The following TPD52L3 variants were observed in gnomAD, a reference collection of about 807,000 sequenced individuals.
TPD52L3 encodes the protein tumor protein D55.
TPD52L3 carries 12 observed loss-of-function variants against 8.7 expected under a neutral mutation model. That is an observed-to-expected ratio of 1.38 (90% confidence interval 0.89 to 2.24). The LOEUF (loss-of-function observed/expected upper bound fraction) is 2.24. Ranked by LOEUF, TPD52L3 falls within the 30% of genes most tolerant of loss-of-function variation. The pLI, the probability that TPD52L3 is intolerant of heterozygous loss-of-function variation, is 0.00. For synonymous variants in TPD52L3, 79 were observed against 66.8 expected (o/e 1.18, Z -0.89); for missense variants, 207 against 158.7 (o/e 1.30, Z -1.64).
intron 1 of TPD52L3, chr9:6,330,096 G>T (rs377530029): frequency 6.9e-6 from 11 of 1,591,376 alleles, no homozygotes; most frequent in Non-Finnish European, 9.4e-6. Context: ...AAGAACGTCT[G>T]TCCCCTGTGA....
intron 1 of TPD52L3, chr9:6,329,774 T>C: frequency 9.8e-7 from 1 of 1,019,712 alleles, no homozygotes. Flanking sequence ...AAAACTCGTT[T>C]GTTTTCAAAG....
chr9:6,330,781 C>G, intron 1 of TPD52L3, 195 bp from the exon 2 acceptor site: 1 of 1,357,376 alleles, frequency 7.4e-7, no homozygotes, highest in East Asian at 2.8e-5. Flanking sequence ...CAGGCAAAGG[C>G]TTTGACATAT....
chr9:6,329,598 ATTTC>A, intron 1 of TPD52L3: 1 of 1,001,484 alleles, frequency 1.0e-6, no homozygotes. Flanking sequence ...TCCCTTCCCC[ATTTC>A]CTTCCTTCCC....
intron 1 of TPD52L3, chr9:6,330,518 A>G (rs1187412494): frequency 1.6e-6 from 2 of 1,230,364 alleles, no homozygotes; most frequent in East Asian, 3.6e-5. Context: ...CTCCCCCAAC[A>G]TTCCTTTGGT....
chr9:6,330,767 C>T, intron 1 of TPD52L3: 1 of 1,318,402 alleles, frequency 7.6e-7, no homozygotes, highest in Non-Finnish European at 9.7e-7. Flanking sequence ...TGAAAGTAGT[C>T]CAACAGGCAA....
intron 1 of TPD52L3, 192 bp downstream of exon 1, chr9:6,329,154 G>A: frequency 6.8e-7 from 1 of 1,469,074 alleles, no homozygotes; most frequent in Non-Finnish European, 9.0e-7. Flanking sequence ...TCCACTTTCT[G>A]GAACCAGAAT....
chr9:6,331,035 A>G lies in TPD52L3; in HGVS notation c.*16A>G, dbSNP rs1158597482. The G allele has an allele frequency of 3.1e-6, 5 of 1,607,980 alleles. No homozygotes were observed. The highest frequency in any genetic ancestry group is 1.7e-5 in the Admixed American group (1 of 59,520). ...AAGGAATTAACATCATATACTTCAG[A>G]CATCAAATATGGAATCCAAGAGACT... On this transcript the variant is annotated 3_prime_UTR_variant, in exon 2 of 2. Transcript: ENST00000314556.
chr9:6,328,993 CAG>C, intron 1 of TPD52L3, 31 bp downstream of exon 1: 4 of 1,614,112 alleles, frequency 2.5e-6, no homozygotes, highest in Non-Finnish European at 3.4e-6. Flanking sequence ...TCCAAAGTCT[CAG>C]GGGGCAAAAG....
chr9:6,328,746 G>A lies in TPD52L3; in HGVS notation c.151G>A (p.Ala51Thr), dbSNP rs757914875. 1.9e-6 allele frequency: 3 copies of A among 1,614,156 alleles called. No individual in the cohort carries two copies. The South Asian group carries it at 3.3e-5, about 18-fold the overall frequency. ...AEIVTLRHVL[A>T]AKERRCGELK... ...AATTGTAACCCTACGCCACGTACTA[G>A]CAGCCAAAGAGAGACGCTGTGGGGA... Residue 51 changes from alanine (A) to threonine (T), a missense_variant, in exon 1 of 2, where the codon GCA becomes ACA. Physicochemically the swap from Ala to Thr is moderately conservative, Grantham distance 58 (BLOSUM62 0). Coordinates refer to ENST00000314556, the MANE Select transcript of TPD52L3 (RefSeq NM_001001874.3).
At position 6,329,071 on chromosome 9, in the gene TPD52L3, G is replaced by A. The variant is rs1470901114; in HGVS notation, c.367+109G>A. The stretch of plus-strand genomic sequence containing the variant: ...TGATCTGCTCTCAGTTTTGGGGTGT[G>A]GGGAAGACCCACTCCAGATTCCGGG... On this transcript the variant is annotated intron_variant, in intron 1 of 1. Coordinates refer to ENST00000314556, the MANE Select transcript of TPD52L3 (RefSeq NM_001001874.3). The A allele has an allele frequency of 5.7e-6, 9 of 1,575,400 alleles. No individual in the cohort carries two copies. The Admixed American group carries it at 8.8e-5, about 15-fold the overall frequency.
rs1393495956 is a variant in TPD52L3 at position 6,328,979 on chromosome 9, C to G, written c.367+17C>G. ...CTTTTGAAGGTCTGATGGGGACAAT[C>G]AAGTCCAAAGTCTCAGGGGGCAAAA... is the stretch of plus-strand genomic sequence containing the variant. On this transcript the variant is annotated intron_variant, in intron 1 of 1. Transcript: ENST00000314556. 6.2e-6 allele frequency: 10 copies of G among 1,614,046 alleles called. No individual in the cohort carries two copies. Among genetic ancestry groups the G allele is most frequent in the Non-Finnish European group, 8.5e-6 (10 of 1,180,036 alleles).
At chr9:6,330,096 G>C in intron 1 of TPD52L3, 2 of 1,591,494 alleles carry the variant, frequency 1.3e-6, no homozygotes, top group Non-Finnish European at 1.7e-6. Flanking sequence ...AAGAACGTCT[G>C]TCCCCTGTGA....
chr9:6,329,003 A>C (rs1231054326), intron 1 of TPD52L3, 41 bp downstream of exon 1: 1 of 1,613,882 alleles, frequency 6.2e-7, no homozygotes, highest in African/African-American at 1.3e-5. Context: ...CAGGGGGCAA[A>C]AGAGCTTGGC....
rs1182451787 is a variant in TPD52L3 at position 6,328,864 on chromosome 9, T to A, written c.269T>A (p.Val90Glu). ...GATGTTCAGGTCTCCAACACCTATG[T>A]GAAACAGAAGACATCAGCTGCTCTG... ...WLDVQVSNTY[V>E]KQKTSAALST... The change falls in exon 1 of 2, where the codon GTG becomes GAG. Residue 90 changes from valine to glutamate, a missense_variant. Transcript: ENST00000314556. 6.2e-7 allele frequency: 1 copy of A among 1,614,034 alleles called. No individual in the cohort carries two copies. The highest frequency in any genetic ancestry group is 1.3e-5 in the African/African-American group (1 of 74,902).
Position 6,330,998 on chromosome 9 carries a change from G to A in TPD52L3, c.390G>A (p.Thr130=), listed in dbSNP as rs192550349. The change falls in exon 2 of 2, where the codon ACG becomes ACA. Residue 130 remains threonine, a synonymous_variant. Coordinates refer to ENST00000314556, the MANE Select transcript of TPD52L3 (RefSeq NM_001001874.3). ...SFEGLIFNKY[T]LNQGRN is the part of the protein sequence containing the mutation. ...TAGGATTGATCTTCAATAAATACAC[G>A]TTAAATCAAGGAAGGAATTAACATC... 4.7e-5 allele frequency: 76 copies of A among 1,612,268 alleles called. No individual in the cohort carries two copies. Among genetic ancestry groups the A allele is most frequent in the Middle Eastern group, 3.3e-4 (2 of 6,054 alleles).
At chr9:6,330,481 T>TG in intron 1 of TPD52L3, 2 of 1,283,266 alleles carry the variant, frequency 1.6e-6, no homozygotes, top group South Asian at 5.7e-5. Context: ...CCTAAGAGGA[T>TG]GATTCTGTTT....
chr9:6,328,607 C>T lies in TPD52L3; in HGVS notation c.12C>T (p.Ala4=). 6.2e-7 allele frequency: 1 copy of T among 1,613,594 alleles called. No homozygotes were observed. The highest frequency in any genetic ancestry group is 8.5e-7 in the Non-Finnish European group (1 of 1,180,014). MPH[A]RTETSVGTYE... ...TTCTTTCCCAGTCCATGCCACATGCCAGGACAGAGACCTCTGTGGGCACAT... is the reference window on the plus strand; with the variant it reads ...TTCTTTCCCAGTCCATGCCACATGCTAGGACAGAGACCTCTGTGGGCACAT... Residue 4 remains alanine (A), a synonymous_variant, in exon 1 of 2, where the codon GCC becomes GCT. Transcript: ENST00000314556.
At chr9:6,329,540 A>G in intron 1 of TPD52L3, 2 of 1,006,574 alleles carry the variant, frequency 2.0e-6, no homozygotes, top group Non-Finnish European at 2.4e-6. Context: ...TAAGCTTGAA[A>G]GAGGTATGAA....
Position 6,330,396 on chromosome 9 carries a change from G to A in TPD52L3, c.368-580G>A. 3 of 1,414,996 alleles carry A rather than the reference G, an allele frequency of 2.1e-6. No individual in the cohort carries two copies. In the South Asian group the frequency reaches 5.2e-5, roughly 24 times the overall value. The allele number at this position is 1,414,996 out of a possible 1,614,324, so 87.7% of individuals were successfully genotyped here. ...TGAGATAGAAGTTTGCATCTTATTG[G>A]CTGTGGGCAGAGACTAGGACCCTTA... On this transcript the variant is annotated intron_variant, in intron 1 of 1. Transcript: ENST00000314556.
Sources: gnomAD v4.1 joint callset for allele counts on GRCh38, gnomAD v4.1.1 for gene constraint, MANE v1.5 for transcripts, NCBI Gene and HGNC (gene_info 2026-07-23, HGNC 2026-07-21) for gene names.